Variants in PATJ observed in about 807,000 individuals in gnomAD.
PATJ encodes the protein inaD-like protein.
In PATJ, 190 loss-of-function variants were observed where a neutral mutation model predicts 224.9. That is an observed-to-expected ratio of 0.84 (90% CI 0.75 to 0.95). The LOEUF is 0.95. PATJ is among the 40% of genes least tolerant of loss of function. PATJ has a pLI of 0.00. For synonymous variants in PATJ, 769 were observed against 820.3 expected, an observed-to-expected ratio of 0.94 and a Z score of 1.07; for missense variants, 2,121 against 2,270.3, an observed-to-expected ratio of 0.93 and a Z score of 1.34.
At position 62,086,911 on chromosome 1, in the gene PATJ, G is replaced by A. The variant is rs1660065335; in HGVS notation, c.4377+2263G>A. The stretch of plus-strand genomic sequence containing the variant: ...CCCCTCGGCCAGACCAGGTAGGGGT[G>A]CCTGCGACCCCTGAAGCCCCAGAGA... On this transcript the variant is annotated intron_variant, in intron 33 of 43. Coordinates refer to ENST00000642238, the MANE Select transcript of PATJ (RefSeq NM_001350145.3). The surrounding 1 kb of genome is among the most constrained non-coding windows in gnomAD (Gnocchi z 4.0). Among the ~76,000 whole-genome samples, 1 of 152,180 alleles carries A rather than the reference G, an allele frequency of 6.6e-6. No homozygotes were observed. The highest frequency in any genetic ancestry group is 2.4e-5 in the African/African-American group (1 of 41,446).
chr1:61,996,664 A>G (rs1250946189), intron 28 of PATJ, among the ~76,000 whole-genome samples: 1 of 152,130 alleles, frequency 6.6e-6, no homozygotes, highest in Non-Finnish European at 1.5e-5. Context: ...AAGAAGAACA[A>G]AGAATTAAAA....
At position 62,116,660 on chromosome 1, in the gene PATJ, C is replaced by A. The variant is rs746405001; in HGVS notation, c.4784C>A (p.Thr1595Lys). Residue 1595 changes from threonine to lysine, a missense_variant, in exon 36 of 44, where the codon ACA (threonine) becomes AAA (lysine). Coordinates refer to ENST00000642238, the MANE Select transcript of PATJ (RefSeq NM_001350145.3). ...GACATGAGAAATGCCTCACAGGAGA[C>A]AGTGGCCACCATCCTCAAGGTGAGT... is the stretch of plus-strand genomic sequence containing the variant. ...GEDMRNASQE[T>K]VATILKCAQG... is the part of the protein sequence containing the mutation. The A allele has an allele frequency of 6.2e-7, 1 of 1,610,754 alleles. No individual in the cohort carries two copies. The highest frequency in any genetic ancestry group is 8.5e-7 in the Non-Finnish European group (1 of 1,178,654).
chr1:62,026,769 C>T (rs1403571660), intron 29 of PATJ, among the ~76,000 whole-genome samples: 1 of 152,162 alleles, frequency 6.6e-6, no homozygotes, highest in Non-Finnish European at 1.5e-5. Flanking sequence ...TTTCATCACA[C>T]TTTCACTTCT....
At chr1:61,750,214 T>G (rs1570237001) in intron 1 of PATJ, among the ~76,000 whole-genome samples, 1 of 152,158 alleles carries the variant, frequency 6.6e-6, no homozygotes, top group Non-Finnish European at 1.5e-5. Context: ...GGTTGTACTC[T>G]TAGAACCAAA....
chr1:62,116,449 G>A, intron 35 of PATJ, 83 bp from the exon 36 acceptor site: 1 of 1,469,176 alleles, frequency 6.8e-7, no homozygotes. Context: ...GCATATATGT[G>A]TGTGCATCCT....
chr1:61,761,522 A>G (rs1012071899), intron 1 of PATJ, among the ~76,000 whole-genome samples: 1 of 152,144 alleles, frequency 6.6e-6, no homozygotes, highest in Non-Finnish European at 1.5e-5. Context: ...GGAAAGGAAG[A>G]CCCGAAGAAA....
rs569722392 is a variant in PATJ, at chr1:62,153,329, G to A, written c.5379-29G>A. 40 of 1,226,014 alleles carry A rather than the reference G, an allele frequency of 3.3e-5. No homozygotes were observed. In the Admixed American group the frequency reaches 7.2e-4, roughly 22 times the overall value. 75.9% of individuals were successfully genotyped at this position (1,226,014 alleles called of 1,614,324 possible). Reference sequence around the variant, plus strand: ...AAATTCCCTCTCAATATCTATTCTCGAATTAAACAGCATGCATTGTGTTTT... The same window carrying A: ...AAATTCCCTCTCAATATCTATTCTCAAATTAAACAGCATGCATTGTGTTTT... On this transcript the variant is annotated intron_variant, in intron 42 of 43. Coordinates refer to ENST00000642238, the MANE Select transcript of PATJ (RefSeq NM_001350145.3).
intron 15 of PATJ, among the ~76,000 whole-genome samples, chr1:61,823,988 A>G (rs1346115412): frequency 6.6e-6 from 1 of 152,104 alleles, no homozygotes; most frequent in African/African-American, 2.4e-5. Context: ...TTATTTTTAG[A>G]GGTGTTCAAG....
intron 27 of PATJ, among the ~76,000 whole-genome samples, chr1:61,987,267 C>A (rs561537275): frequency 1.1e-4 from 16 of 152,052 alleles, no homozygotes; most frequent in African/African-American, 3.9e-4. Flanking sequence ...TTTTATGGCC[C>A]AATATGCAGT....
intron 27 of PATJ, among the ~76,000 whole-genome samples, chr1:61,968,384 T>G (rs1682466715): frequency 6.6e-6 from 1 of 152,176 alleles, no homozygotes; most frequent in South Asian, 2.1e-4. Context: ...AAGGGTCGAC[T>G]TATTTTAAAA....
chr1:61,804,652 A>G (rs1395589595), intron 12 of PATJ, among the ~76,000 whole-genome samples: 1 of 152,182 alleles, frequency 6.6e-6, no homozygotes, highest in Non-Finnish European at 1.5e-5. Context: ...TATAAGGTAT[A>G]ACTTCAGTTT....
At chr1:61,949,332 C>T (rs1679274129) in intron 27 of PATJ, among the ~76,000 whole-genome samples, 1 of 151,700 alleles carries the variant, frequency 6.6e-6, no homozygotes. Flanking sequence ...GCCTGGGTTG[C>T]GATTGGGTTT....
At chr1:61,815,672 A>G (rs1225536410) in intron 14 of PATJ, among the ~76,000 whole-genome samples, 1 of 152,154 alleles carries the variant, frequency 6.6e-6, no homozygotes, top group Non-Finnish European at 1.5e-5. Context: ...CAACAGAGGG[A>G]GACCCTGTCT....
chr1:62,027,442 C>T (rs1287640203), intron 29 of PATJ, among the ~76,000 whole-genome samples: 1 of 152,122 alleles, frequency 6.6e-6, no homozygotes, highest in Non-Finnish European at 1.5e-5. Flanking sequence ...ACAGATATCT[C>T]TTCCAGACCC....
chr1:62,017,428 A>AG (rs1646834795), intron 28 of PATJ, among the ~76,000 whole-genome samples: 1 of 151,132 alleles, frequency 6.6e-6, no homozygotes, highest in Non-Finnish European at 1.5e-5. Flanking sequence ...AAAAAAAAAA[A>AG]TCAGTAGACT....
intron 27 of PATJ, among the ~76,000 whole-genome samples, chr1:61,945,304 C>T (rs1678505089): frequency 6.6e-6 from 1 of 151,908 alleles, no homozygotes; most frequent in Admixed American, 6.6e-5. Flanking sequence ...GAGTCAAGAC[C>T]CATCAGTGTG....
chr1:61,916,125 A>G (rs931860122), intron 26 of PATJ, among the ~76,000 whole-genome samples: 3 of 152,168 alleles, frequency 2.0e-5, no homozygotes, highest in Admixed American at 6.6e-5. Context: ...TGACTTTTAT[A>G]TATTTATTTG....
At chr1:61,926,895 T>C (rs745804252) in intron 26 of PATJ, among the ~76,000 whole-genome samples, 5 of 152,230 alleles carry the variant, frequency 3.3e-5, no homozygotes, top group Non-Finnish European at 5.9e-5. Flanking sequence ...GAATGTACTT[T>C]ACTGAAATCC....
chr1:61,951,442 T>C (rs1045103100), intron 27 of PATJ, among the ~76,000 whole-genome samples: 3 of 152,126 alleles, frequency 2.0e-5, no homozygotes, highest in Non-Finnish European at 4.4e-5. Context: ...ACATAGATGA[T>C]TTTTTTATTC....
Sources: gnomAD v4.1 joint callset for allele counts (sites outside exome capture counted in the v4.1 genomes callset) on GRCh38, gnomAD v4.1.1 for gene constraint, Gnocchi (gnomAD v3.1) non-coding constraint, MANE v1.5 for transcripts, NCBI Gene and HGNC (gene_info 2026-07-23, HGNC 2026-07-21) for gene names.